The following PNKD variants were observed in gnomAD, a reference collection of about 807,000 sequenced individuals.
PNKD encodes the protein probable thioesterase PNKD.
In PNKD, 36 loss-of-function variants were observed where a neutral mutation model predicts 45.3. The observed-to-expected ratio is 0.80, with a 90% CI of 0.61 to 1.05. The LOEUF (loss-of-function observed/expected upper bound fraction) is 1.05. Among genes scored for constraint, PNKD ranks in the 50% least tolerant of loss-of-function variants. PNKD has a pLI of 0.00. For synonymous variants in PNKD, 197 were observed against 210.1 expected (o/e 0.94, Z 0.54); for missense variants, 511 against 506.6 (o/e 1.01, Z -0.08).
intron 7 of PNKD, among the ~76,000 whole-genome samples, chr2:218,343,225 A>G (rs1348605321): frequency 1.3e-5 from 2 of 152,194 alleles, no homozygotes; most frequent in Non-Finnish European, 2.9e-5. Flanking sequence ...TGCGTCTACC[A>G]AGCCTGGGGC....
At chr2:218,281,283 A>AC (rs1350676440) in intron 2 of PNKD, among the ~76,000 whole-genome samples, 3 of 151,256 alleles carry the variant, frequency 2.0e-5, no homozygotes, top group African/African-American at 7.3e-5. Context: ...TTACAGGTGC[A>AC]CGCCACCACA....
intron 2 of PNKD, among the ~76,000 whole-genome samples, chr2:218,305,221 GAACA>G (rs1196442553): frequency 6.6e-6 from 1 of 152,152 alleles, no homozygotes; most frequent in Admixed American, 6.5e-5. Context: ...CCACACAACA[GAACA>G]AACATTTATC....
chr2:218,323,091 T>G, intron 2 of PNKD: 1 of 1,087,846 alleles, frequency 9.2e-7, no homozygotes, highest in South Asian at 2.7e-5. Context: ...GCCTTCGGGG[T>G]GCTTGCCCGG....
chr2:218,295,475 C>T (rs936696251), intron 2 of PNKD, among the ~76,000 whole-genome samples: 3 of 152,080 alleles, frequency 2.0e-5, no homozygotes, highest in Non-Finnish European at 2.9e-5. Flanking sequence ...GGTGGGGGTT[C>T]GGGAAAGGAG....
At position 218,281,926 on chromosome 2, in the gene PNKD, C is replaced by T. The variant is rs1250657351; in HGVS notation, c.236+10377C>T. 1.4e-5 allele frequency: 22 copies of T among 1,578,162 alleles called. No individual in the cohort carries two copies. The East Asian group carries it at 5.1e-4, about 37-fold the overall frequency. ...CCCTCCCACCCACCTTCCATCTGCC[C>T]TTCCAGGACTCACCGTAGTTCATGG... On this transcript the variant is annotated intron_variant, in intron 2 of 9. Transcript: ENST00000273077.
chr2:218,281,696 G>A (rs900325880), intron 2 of PNKD, among the ~76,000 whole-genome samples: 1 of 152,186 alleles, frequency 6.6e-6, no homozygotes, highest in Non-Finnish European at 1.5e-5. Flanking sequence ...CCTGTGGTGT[G>A]TACGTTCTGG....
In PNKD at chr2:218,326,468, T is replaced by C. The variant is rs1451465275; in HGVS notation, c.237-13315T>C. Among the ~76,000 whole-genome samples, 1 of 152,158 alleles carries C rather than the reference T, an allele frequency of 6.6e-6. No individual in the cohort carries two copies. Among genetic ancestry groups the C allele is most frequent in the Non-Finnish European group, 1.5e-5 (1 of 68,022 alleles). ...TCCTAGTTTTGTTGCTTAGTAGCCA[T>C]GTGACCTTGAACAAATAACTTCTCT... On this transcript the variant is annotated intron_variant, in intron 2 of 9. Transcript: ENST00000273077. The surrounding 1 kb of genome is among the most constrained non-coding windows in gnomAD (Gnocchi z 4.1).
At chr2:218,271,580 C>T (rs749934602) in intron 2 of PNKD, 31 bp downstream of exon 2, 3 of 1,594,030 alleles carry the variant, frequency 1.9e-6, no homozygotes, top group South Asian at 2.2e-5. Context: ...TGCCCACCAA[C>T]GGGGCGTGGC....
chr2:218,278,527 C>A, intron 2 of PNKD: 1 of 1,614,176 alleles, frequency 6.2e-7, no homozygotes, highest in Non-Finnish European at 8.5e-7. Context: ...GGGTCCCTGG[C>A]AGCAGGCAAG....
In PNKD at chr2:218,270,700, C is replaced by G. The variant is rs28372691; in HGVS notation, c.67+98C>G. The G allele has an allele frequency of 3.3e-3, 1,450 of 434,112 alleles. 15 individuals are homozygous for G. Among genetic ancestry groups the G allele is most frequent in the African/African-American group, 0.019 (950 of 49,070 alleles). The allele number at this position is 434,112 out of a possible 1,614,324, so 26.9% of individuals were successfully genotyped here. ...CAGGAGGTCAGGGCTCTTGGTTCCT[C>G]CCCACACTTTTCTGCAAGATCTTAG... On this transcript the variant is annotated intron_variant, in intron 1 of 9. Transcript: ENST00000273077.
At chr2:218,277,878 T>G in intron 2 of PNKD, 2 of 1,610,502 alleles carry the variant, frequency 1.2e-6, no homozygotes, top group Non-Finnish European at 1.7e-6. Flanking sequence ...ATCCCTTCCC[T>G]GGGAGCAGTC....
chr2:218,315,112 CCTTCCTTCCTTT>C (rs1163597099), intron 2 of PNKD, among the ~76,000 whole-genome samples: 24 of 134,150 alleles, frequency 1.8e-4, no homozygotes, highest in Non-Finnish European at 3.0e-4. Flanking sequence ...TTCCTTCCTT[CCTTCCTTCCTTT>C]CTTTCTTTCT....
At chr2:218,341,919 G>A in intron 6 of PNKD, 62 bp from the exon 7 acceptor site, 1 of 1,370,926 alleles carries the variant, frequency 7.3e-7, no homozygotes, top group Non-Finnish European at 1.0e-6. Context: ...GCCTGGGATG[G>A]GGACAGGGAT....
chr2:218,302,679 T>C (rs1693301277), intron 2 of PNKD, among the ~76,000 whole-genome samples: 1 of 152,142 alleles, frequency 6.6e-6, no homozygotes, highest in Non-Finnish European at 1.5e-5. Context: ...CCTAAAGATA[T>C]CAATGAAAAC....
chr2:218,288,917 T>C (rs1480394627), intron 2 of PNKD, among the ~76,000 whole-genome samples: 1 of 152,174 alleles, frequency 6.6e-6, no homozygotes, highest in Non-Finnish European at 1.5e-5. Context: ...TGCTGTGAGG[T>C]ATTCTTACCC....
At position 218,343,436 on chromosome 2, in the gene PNKD, G is replaced by A. The variant is rs1289742617; in HGVS notation, c.782-64G>A. The stretch of plus-strand genomic sequence containing the variant: ...TACAAGCTGGTTCCCACCTGTCTGG[G>A]TGTGCCTTATGCCATATTGTGTTAT... On this transcript the variant is annotated intron_variant, in intron 7 of 9. Transcript: ENST00000273077. 16 of 1,278,072 alleles carry A rather than the reference G, an allele frequency of 1.3e-5. No homozygotes were observed. In the Admixed American group the frequency reaches 2.9e-4, roughly 23 times the overall value. The allele number at this position is 1,278,072 out of a possible 1,614,324, so 79.2% of individuals were successfully genotyped here. A position where few individuals can be genotyped will look rare whatever the true frequency, so the allele number is the denominator to read the frequency against.
rs750942298 is a variant in PNKD at position 218,280,054 on chromosome 2, C to T, written c.236+8505C>T. 8.7e-6 allele frequency: 14 copies of T among 1,614,004 alleles called. No homozygotes were observed. The East Asian group carries it at 8.9e-5, about 10-fold the overall frequency. ...TCGGATAAAAGTGTGTCGCACTTTC[C>T]GGTCATCCCACTCTCCAGGCCCGAA... is the stretch of plus-strand genomic sequence containing the variant. On this transcript the variant is annotated intron_variant, in intron 2 of 9. Coordinates refer to ENST00000273077, the MANE Select transcript of PNKD (RefSeq NM_015488.5).
rs1312787742 is a variant in PNKD, at chr2:218,340,328, G to A, written c.465+187G>A. On this transcript the variant is annotated intron_variant, in intron 4 of 9. Coordinates refer to ENST00000273077, the MANE Select transcript of PNKD (RefSeq NM_015488.5). This position sits in a 1 kb window ranked among gnomAD's most constrained non-coding sequence, Gnocchi z 4.2. ...GGTACAGGGCATGGCTGGGCAGAAGGGGAGAGCAGGAGTGGGGGATGCAGA... is the reference window on the plus strand; with the variant it reads ...GGTACAGGGCATGGCTGGGCAGAAGAGGAGAGCAGGAGTGGGGGATGCAGA... Among the ~76,000 whole-genome samples the A allele has an allele frequency of 1.3e-5, 2 of 152,166 alleles. No individual in the cohort carries two copies. The highest frequency in any genetic ancestry group is 2.9e-5 in the Non-Finnish European group (2 of 68,012).
intron 8 of PNKD, among the ~76,000 whole-genome samples, chr2:218,344,173 G>A (rs748047481): frequency 2.0e-5 from 3 of 152,188 alleles, no homozygotes; most frequent in East Asian, 1.9e-4. Context: ...TGACTAGACC[G>A]AGGTCACATG....
Sources: gnomAD v4.1 joint callset for allele counts (sites outside exome capture counted in the v4.1 genomes callset) on GRCh38, gnomAD v4.1.1 for gene constraint, Gnocchi (gnomAD v3.1) non-coding constraint, MANE v1.5 for transcripts, NCBI Gene and HGNC (gene_info 2026-07-23, HGNC 2026-07-21) for gene names.